Variants in EDEM3 observed in about 807,000 individuals in gnomAD.
The protein encoded by EDEM3 is ER degradation enhancing alpha-mannosidase like protein 3.
Under a neutral mutation model 110.2 loss-of-function variants are expected in EDEM3, and 60 were observed. The ratio of observed to expected loss-of-function variants is 0.54; its 90% confidence interval spans 0.44 to 0.67. The LOEUF (loss-of-function observed/expected upper bound fraction) is 0.67. Ranked by LOEUF, EDEM3 falls within the 30% of genes least tolerant of loss-of-function variation. The probability of loss-of-function intolerance (pLI) is 0.00; values close to 1 mark genes in which losing one functional copy is unlikely to be tolerated. For missense variants in EDEM3, 996 were observed against 1,121.0 expected (o/e 0.89, Z 1.59); for synonymous variants, 352 against 382.9 (o/e 0.92, Z 0.94).
At chr1:184,741,283 C>T (rs555793452) in intron 2 of EDEM3, among the ~76,000 whole-genome samples, 171 of 152,110 alleles carry the variant, frequency 1.1e-3, no homozygotes, top group African/African-American at 4.1e-3. Flanking sequence ...TCTGTAATCC[C>T]AGCTACTCGG....
chr1:184,732,744 G>T, intron 6 of EDEM3, 93 bp downstream of exon 6: 2 of 1,262,458 alleles, frequency 1.6e-6, no homozygotes, highest in Non-Finnish European at 2.1e-6. Context: ...TCAGCCTCAA[G>T]CTGGTGAAGA....
Position 184,693,333 on chromosome 1 carries a change from T to G in EDEM3, c.*730A>C, listed in dbSNP as rs1327598203. The G allele has an allele frequency of 6.5e-6, 1 of 153,426 alleles. No individual in the cohort carries two copies. Among genetic ancestry groups the G allele is most frequent in the African/African-American group, 2.4e-5 (1 of 41,468 alleles). 9.5% of individuals were successfully genotyped at this position (153,426 alleles called of 1,614,324 possible). A position where few individuals can be genotyped will look rare whatever the true frequency, so the allele number is the denominator to read the frequency against. On this transcript the variant is annotated 3_prime_UTR_variant, in exon 20 of 20. Coordinates refer to ENST00000318130, the MANE Select transcript of EDEM3 (RefSeq NM_025191.4). Reference sequence around the variant, plus strand: ...CCCTTACTCCATTTTTCAGAAGTATTAAGTAAGCAATCTCCACAATGTATT... The same window carrying G: ...CCCTTACTCCATTTTTCAGAAGTATGAAGTAAGCAATCTCCACAATGTATT...
intron 1 of EDEM3, among the ~76,000 whole-genome samples, chr1:184,753,407 CTT>C (rs35445359): frequency 6.3e-4 from 87 of 138,294 alleles, no homozygotes; most frequent in Admixed American, 1.1e-3. Flanking sequence ...TCAAAATGCA[CTT>C]TTTTTTTTTT....
chr1:184,706,016 T>C (rs575961657), intron 18 of EDEM3, among the ~76,000 whole-genome samples: 3 of 152,330 alleles, frequency 2.0e-5, no homozygotes, highest in South Asian at 2.1e-4. Flanking sequence ...AACCCTGTTA[T>C]AGTAGCACTT....
In EDEM3 at chr1:184,710,383, C is replaced by A. The variant is rs183961574; in HGVS notation, c.1845+11G>T. ...CAGAGACGGTATCTAATTAGTGTAG[C>A]AATGTCTTACTTGGATTGCATGTTG... On this transcript the variant is annotated intron_variant, in intron 16 of 19. Coordinates refer to ENST00000318130, the MANE Select transcript of EDEM3 (RefSeq NM_025191.4). 6.1e-5 allele frequency: 99 copies of A among 1,612,784 alleles called. No individual in the cohort carries two copies. In the East Asian group the frequency reaches 2.1e-3, roughly 34 times the overall value.
intron 7 of EDEM3, among the ~76,000 whole-genome samples, chr1:184,725,783 T>C (rs1284949254): frequency 2.6e-5 from 4 of 152,104 alleles, no homozygotes; most frequent in Non-Finnish European, 2.9e-5. Flanking sequence ...GTCTTTTGGA[T>C]AATGAATAAC....
At chr1:184,702,509 TA>T (rs1384249991) in intron 19 of EDEM3, among the ~76,000 whole-genome samples, 1 of 152,212 alleles carries the variant, frequency 6.6e-6, no homozygotes, top group Non-Finnish European at 1.5e-5. Context: ...TTCCGGATGT[TA>T]AAATGGCTTT....
At chr1:184,730,506 G>A (rs1478976968) in intron 6 of EDEM3, among the ~76,000 whole-genome samples, 2 of 152,176 alleles carry the variant, frequency 1.3e-5, no homozygotes, top group African/African-American at 4.8e-5. Context: ...AGGATCACTT[G>A]AGCCCAGGAG....
At chr1:184,720,529 A>C (rs947016115) in intron 9 of EDEM3, 1 of 96,808 alleles carries the variant, frequency 1.0e-5, no homozygotes, top group African/African-American at 5.1e-5. Flanking sequence ...TTTTTTTTTG[A>C]GACGGAGTTT....
chr1:184,751,522 A>C (rs1291866741), intron 1 of EDEM3, among the ~76,000 whole-genome samples: 1 of 152,244 alleles, frequency 6.6e-6, no homozygotes, highest in African/African-American at 2.4e-5. Context: ...GCAGCATATG[A>C]TGAGCAAATT....
At chr1:184,694,509 T>TA (rs34236444) in intron 19 of EDEM3, 37 bp from the exon 20 acceptor site, 7 of 1,507,884 alleles carry the variant, frequency 4.6e-6, no homozygotes, top group African/African-American at 4.2e-5. Flanking sequence ...GCTACTTCTC[T>TA]AAAAAAATGT....
intron 13 of EDEM3, among the ~76,000 whole-genome samples, chr1:184,712,914 G>A (rs1042773686): frequency 1.3e-5 from 2 of 152,138 alleles, no homozygotes; most frequent in Admixed American, 6.6e-5. Flanking sequence ...CAGCAGGGAG[G>A]TAACTGATAA....
chr1:184,717,803 T>C (rs1382751571), intron 11 of EDEM3, among the ~76,000 whole-genome samples, 180 bp from the exon 12 acceptor site: 1 of 151,994 alleles, frequency 6.6e-6, no homozygotes, highest in Non-Finnish European at 1.5e-5. Context: ...AGGCTGCTAT[T>C]TTTACCAATT....
At chr1:184,695,663 T>G (rs1558038027) in intron 19 of EDEM3, among the ~76,000 whole-genome samples, 1 of 151,936 alleles carries the variant, frequency 6.6e-6, no homozygotes, top group Admixed American at 6.6e-5. Flanking sequence ...CTATCCACAG[T>G]TGGTTGAATC....
chr1:184,748,650 T>C (rs1652579627), intron 2 of EDEM3, among the ~76,000 whole-genome samples: 1 of 152,140 alleles, frequency 6.6e-6, no homozygotes, highest in African/African-American at 2.4e-5. Flanking sequence ...AAAACATGTT[T>C]TAAAACTAAA....
rs1337556432 is a variant in EDEM3 at position 184,717,603 on chromosome 1, T to C, written c.1182A>G (p.Arg394=). 6.2e-7 allele frequency: 1 copy of C among 1,603,286 alleles called. No homozygotes were observed. The highest frequency in any genetic ancestry group is 1.7e-5 in the Admixed American group (1 of 57,830). Reference sequence around the variant, plus strand: ...TTAAAGGATGTTGAGCCCAGTGTACTCTGAAATCTGTGGTAAATGCCTGAA... The same window carrying C: ...TTAAAGGATGTTGAGCCCAGTGTACCCTGAAATCTGTGGTAAATGCCTGAA... The part of the protein sequence containing the change: ...FLPEAFTTDF[R]VHWAQHPLRP... Residue 394 remains arginine, a synonymous_variant, in exon 12 of 20, where the codon AGA becomes AGG. Coordinates refer to ENST00000318130, the MANE Select transcript of EDEM3 (RefSeq NM_025191.4).
chr1:184,732,587 A>AATAT (rs1651589489), intron 6 of EDEM3, among the ~76,000 whole-genome samples: 1 of 152,220 alleles, frequency 6.6e-6, no homozygotes, highest in Non-Finnish European at 1.5e-5. Flanking sequence ...ATACCCCATT[A>AATAT]ATATATACCT....
intron 2 of EDEM3, among the ~76,000 whole-genome samples, chr1:184,741,090 T>C (rs1215377025): frequency 2.0e-5 from 3 of 152,136 alleles, no homozygotes; most frequent in African/African-American, 7.2e-5. Flanking sequence ...TTAATGAGTC[T>C]TTTGTTTAAA....
At chr1:184,708,396 A>T in intron 16 of EDEM3, 52 bp from the exon 17 acceptor site, 2 of 1,592,422 alleles carry the variant, frequency 1.3e-6, no homozygotes, top group Non-Finnish European at 1.7e-6. Flanking sequence ...ACTTCCACCA[A>T]TTTTTTGATT....
Sources: allele counts gnomAD v4.1 joint callset (sites outside exome capture counted in the v4.1 genomes callset), GRCh38; gene constraint gnomAD v4.1.1; transcripts MANE v1.5; gene names NCBI Gene and HGNC (gene_info 2026-07-23, HGNC 2026-07-21).